VANGL2: variants seen among roughly 807,000 people sequenced by gnomAD.
VANGL2 encodes vang-like protein 2.
VANGL2 carries 14 observed loss-of-function variants against 50.2 expected under a neutral mutation model. That is an observed-to-expected ratio of 0.28 (90% CI 0.18 to 0.44). The LOEUF (loss-of-function observed/expected upper bound fraction) is 0.44, where lower values mean the gene tolerates loss of function less well. VANGL2 is among the 20% of genes least tolerant of loss of function. The pLI is 1.00. For missense variants in VANGL2, 533 were observed against 701.5 expected, an observed-to-expected ratio of 0.76 and a Z score of 2.71; for synonymous variants, 295 against 297.2, an observed-to-expected ratio of 0.99 and a Z score of 0.08.
chr1:160,406,904 T>C (rs1650686206), intron 1 of VANGL2, among the ~76,000 whole-genome samples: 1 of 152,054 alleles, frequency 6.6e-6, no homozygotes, highest in African/African-American at 2.4e-5. Context: ...AATTTTGCAT[T>C]TTTTGGAGAG....
At chr1:160,412,854 C>A (rs1035040236) in intron 1 of VANGL2, among the ~76,000 whole-genome samples, 2 of 152,146 alleles carry the variant, frequency 1.3e-5, no homozygotes, top group African/African-American at 4.8e-5. Flanking sequence ...TGATGGTGGT[C>A]CCATAAAATT....
rs200961264 is a variant in VANGL2, at chr1:160,425,173, G to A, written c.1361G>A (p.Arg454His). The stretch of plus-strand genomic sequence containing the variant: ...CCTACCATCCAGTACCACAAGGAAC[G>A]CTGGCTGGCCAAACAGTGGACATTG... ...AGPTIQYHKE[R>H]WLAKQWTLVS... The change falls in exon 8 of 8, where the codon CGC (arginine) becomes CAC (histidine). Residue 454 changes from arginine (R) to histidine (H), a missense_variant. Arg to His is a conservative substitution (Grantham distance 29). Transcript: ENST00000368061. 17 of 1,614,110 alleles carry A rather than the reference G, an allele frequency of 1.1e-5. No individual in the cohort carries two copies. The East Asian group carries it at 1.3e-4, about 13-fold the overall frequency.
chr1:160,412,347 C>A (rs748721870), intron 1 of VANGL2, among the ~76,000 whole-genome samples: 1 of 151,868 alleles, frequency 6.6e-6, no homozygotes, highest in Non-Finnish European at 1.5e-5. Context: ...TTCTCCACCC[C>A]CTTCTCTACC....
At chr1:160,420,380 C>T in intron 4 of VANGL2, 31 bp from the exon 5 acceptor site, 2 of 1,613,800 alleles carry the variant, frequency 1.2e-6, no homozygotes, top group East Asian at 2.2e-5. Context: ...TCTGTCCCTT[C>T]TCCCACCCCC....
chr1:160,415,913 G>T lies in VANGL2; in HGVS notation c.71+5G>T, dbSNP rs1420293279. ...CCGCAGCTCCCGCAAGCACAGGTGG[G>T]CAGGCATGCAGGGTGACATGCGTGG... On this transcript the variant is annotated splice_donor_5th_base_variant and intron_variant, in intron 2 of 7. Transcript: ENST00000368061. 6.2e-7 allele frequency: 1 copy of T among 1,614,088 alleles called. No individual in the cohort carries two copies. The highest frequency in any genetic ancestry group is 8.5e-7 in the Non-Finnish European group (1 of 1,180,042).
intron 3 of VANGL2, among the ~76,000 whole-genome samples, chr1:160,417,742 T>G (rs997108199): frequency 2.0e-5 from 3 of 152,210 alleles, no homozygotes; most frequent in African/African-American, 7.2e-5. Context: ...CTGGCTGCTG[T>G]CTGCCTTACC....
Position 160,425,266 on chromosome 1 carries a change from T to C in VANGL2, c.1454T>C (p.Phe485Ser). Residue 485 changes from phenylalanine to serine, a missense_variant, in exon 8 of 8, where the codon TTC becomes TCC. Physicochemically the swap from Phe to Ser is radical, Grantham distance 155. Coordinates refer to ENST00000368061, the MANE Select transcript of VANGL2 (RefSeq NM_020335.3). ...GIVFLLKRQDFSLVVSTKKVP... is the reference protein window; with the variant it reads ...GIVFLLKRQDSSLVVSTKKVP... ...GTTTTCCTCTTAAAACGCCAGGACT[T>C]CAGCCTGGTGGTCAGCACCAAGAAG... 1 of 1,614,050 alleles carries C rather than the reference T, an allele frequency of 6.2e-7. No individual in the cohort carries two copies. The highest frequency in any genetic ancestry group is 8.5e-7 in the Non-Finnish European group (1 of 1,180,024).
rs1215593156 is a variant in VANGL2, at chr1:160,415,797, C to T, written c.-41C>T. 2 of 1,598,066 alleles carry T rather than the reference C, an allele frequency of 1.3e-6. No individual in the cohort carries two copies. Among genetic ancestry groups the T allele is most frequent in the Non-Finnish European group, 1.7e-6 (2 of 1,173,664 alleles). On this transcript the variant is annotated 5_prime_UTR_variant, in exon 2 of 8. Coordinates refer to ENST00000368061, the MANE Select transcript of VANGL2 (RefSeq NM_020335.3). ...GTGGGGCCCCCCAAGAGGCCCCAGC[C>T]TGCGGCCCTGGAGCGCTACAAGGCG...
intron 1 of VANGL2, among the ~76,000 whole-genome samples, chr1:160,401,529 G>A (rs1650462669): frequency 6.6e-6 from 1 of 152,094 alleles, no homozygotes; most frequent in African/African-American, 2.4e-5. Context: ...TTGAAGGGTT[G>A]GTGGAGGATC....
chr1:160,402,256 C>T (rs1232905878), intron 1 of VANGL2, among the ~76,000 whole-genome samples: 2 of 152,058 alleles, frequency 1.3e-5, no homozygotes, highest in African/African-American at 4.8e-5. Context: ...AACTTCCTCC[C>T]CCATCGTCAT....
chr1:160,418,789 G>A (rs2101964791), intron 3 of VANGL2, among the ~76,000 whole-genome samples: 1 of 152,268 alleles, frequency 6.6e-6, no homozygotes, highest in African/African-American at 2.4e-5. Context: ...CTTGGATTTG[G>A]CCATCTGCAG....
At chr1:160,406,556 C>G (rs1650666724) in intron 1 of VANGL2, among the ~76,000 whole-genome samples, 1 of 152,084 alleles carries the variant, frequency 6.6e-6, no homozygotes, top group Admixed American at 6.5e-5. Context: ...CTCCGGCCAC[C>G]ATGGCCCGTG....
chr1:160,425,423 GGGGT>G lies in VANGL2; in HGVS notation c.*49_*52del. 3.9e-6 allele frequency: 5 copies of G among 1,298,542 alleles called. No homozygotes were observed. Among genetic ancestry groups the G allele is most frequent in the East Asian group, 2.6e-5 (1 of 38,166 alleles). The allele number at this position is 1,298,542 out of a possible 1,614,324, so 80.4% of individuals were successfully genotyped here. On this transcript the variant is annotated 3_prime_UTR_variant, in exon 8 of 8. Coordinates refer to ENST00000368061, the MANE Select transcript of VANGL2 (RefSeq NM_020335.3). ...GTGGGAAACTCTGGGGGGTCCTGAGGGGGTGGGAGGGGGCTTGGTTCTCAGGCCC... is the reference window on the plus strand; with the variant it reads ...GTGGGAAACTCTGGGGGGTCCTGAGGGGGAGGGGGCTTGGTTCTCAGGCCC...
intron 1 of VANGL2, among the ~76,000 whole-genome samples, chr1:160,405,511 C>T (rs1393920448): frequency 6.6e-6 from 1 of 152,098 alleles, no homozygotes; most frequent in Non-Finnish European, 1.5e-5. Flanking sequence ...TGTGCTTTGT[C>T]GGATGCCCCT....
intron 6 of VANGL2, 64 bp from the exon 7 acceptor site, chr1:160,423,988 G>A (rs1163068531): frequency 6.3e-7 from 1 of 1,578,224 alleles, no homozygotes; most frequent in Admixed American, 1.7e-5. Context: ...TTGGAGCTAG[G>A]GGAGAGGGGT....
At chr1:160,420,741 A>T (rs1279216012) in intron 5 of VANGL2, among the ~76,000 whole-genome samples, 194 bp downstream of exon 5, 1 of 152,040 alleles carries the variant, frequency 6.6e-6, no homozygotes, top group Non-Finnish European at 1.5e-5. Flanking sequence ...CCTTTATGCT[A>T]TGGCATGTCC....
In VANGL2 at chr1:160,425,348, C is replaced by A. The variant is rs751226788; in HGVS notation, c.1536C>A (p.Val512=). ...EFVDPKSHKF[V]MRLQSETSV is the part of the protein sequence containing the mutation. ...TGGATCCCAAGTCACACAAGTTTGT[C>A]ATGAGGCTGCAGTCTGAGACCTCAG... is the stretch of plus-strand genomic sequence containing the variant. Residue 512 remains valine (V), a synonymous_variant, in exon 8 of 8, where the codon GTC becomes GTA. Coordinates refer to ENST00000368061, the MANE Select transcript of VANGL2 (RefSeq NM_020335.3). The A allele has an allele frequency of 1.4e-5, 22 of 1,603,266 alleles. No individual in the cohort carries two copies. Among genetic ancestry groups the A allele is most frequent in the Non-Finnish European group, 1.8e-5 (21 of 1,178,078 alleles).
Position 160,428,229 on chromosome 1 carries a change from C to T in VANGL2, c.*2851C>T, listed in dbSNP as rs11265391. 3,716 of 152,798 alleles carry T rather than the reference C, an allele frequency of 0.024. 109 individuals carry two copies. Among genetic ancestry groups the T allele is most frequent in the African/African-American group, 0.079 (3,271 of 41,508 alleles). The allele number at this position is 152,798 out of a possible 1,614,324, so 9.5% of individuals were successfully genotyped here. A position where few individuals can be genotyped will look rare whatever the true frequency, so the allele number is the denominator to read the frequency against. On this transcript the variant is annotated 3_prime_UTR_variant, in exon 8 of 8. Transcript: ENST00000368061. ...CTTTTTCCCAGGGTTCGTACTTCTCCTCCATTGGTCCCAGGCTAACTCCCC... is the reference window on the plus strand; with the variant it reads ...CTTTTTCCCAGGGTTCGTACTTCTCTTCCATTGGTCCCAGGCTAACTCCCC...
intron 1 of VANGL2, among the ~76,000 whole-genome samples, chr1:160,411,230 G>A (rs1429613463): frequency 6.6e-6 from 1 of 151,708 alleles, no homozygotes; most frequent in Non-Finnish European, 1.5e-5. Context: ...TTGTGTCTTG[G>A]GAAGTGGGGG....
Sources: gnomAD v4.1 joint callset for allele counts (sites outside exome capture counted in the v4.1 genomes callset) on GRCh38, gnomAD v4.1.1 for gene constraint, MANE v1.5 for transcripts, NCBI Gene and HGNC (gene_info 2026-07-23, HGNC 2026-07-21) for gene names.